NECAB1: variants seen among roughly 807,000 people sequenced by gnomAD.
NECAB1 encodes the protein N-terminal EF-hand calcium-binding protein 1.
In NECAB1, 29 loss-of-function variants were observed where a neutral mutation model predicts 57.5. The observed-to-expected ratio is 0.50, with a 90% CI of 0.38 to 0.69. The LOEUF is 0.69. Ranked by LOEUF, NECAB1 falls within the 30% of genes least tolerant of loss-of-function variation. NECAB1 has a pLI of 0.00. For synonymous variants in NECAB1, 142 were observed against 147.7 expected (o/e 0.96, Z 0.28); for missense variants, 372 against 413.8 (o/e 0.90, Z 0.88).
intron 5 of NECAB1, among the ~76,000 whole-genome samples, chr8:90,899,531 G>T (rs1402265239): frequency 1.3e-5 from 2 of 152,156 alleles, no homozygotes; most frequent in Non-Finnish European, 2.9e-5. Context: ...AAAGTAAAGA[G>T]ATGGGACCCA....
chr8:90,846,337 G>A (rs566568138), intron 3 of NECAB1, among the ~76,000 whole-genome samples: 1 of 152,320 alleles, frequency 6.6e-6, no homozygotes, highest in African/African-American at 2.4e-5. Context: ...ATTTCACTGT[G>A]AATGTGCTTA....
intron 1 of NECAB1, among the ~76,000 whole-genome samples, 159 bp downstream of exon 1, chr8:90,792,144 C>G (rs1192952257): frequency 6.6e-6 from 1 of 152,370 alleles, no homozygotes; most frequent in Non-Finnish European, 1.5e-5. Flanking sequence ...TGTCCCTTAA[C>G]TTGCAGCTAG....
intron 3 of NECAB1, among the ~76,000 whole-genome samples, chr8:90,852,129 A>G (rs1329608960): frequency 3.9e-5 from 6 of 152,216 alleles, no homozygotes; most frequent in Admixed American, 1.3e-4. Context: ...GATATGCTGC[A>G]TGCTCACTCA....
chr8:90,895,589 C>G (rs1214863824), intron 5 of NECAB1, among the ~76,000 whole-genome samples: 1 of 152,178 alleles, frequency 6.6e-6, no homozygotes, highest in Non-Finnish European at 1.5e-5. Flanking sequence ...ATAATAACAG[C>G]ATTTTCTACT....
At chr8:90,812,050 A>G (rs1586035744) in intron 2 of NECAB1, among the ~76,000 whole-genome samples, 2 of 152,292 alleles carry the variant, frequency 1.3e-5, no homozygotes, top group Non-Finnish European at 2.9e-5. Context: ...AAAAGAAGAG[A>G]GAATAGATGT....
rs1290352726 is a variant in NECAB1 at position 90,906,874 on chromosome 8, C to CATATATATATATATGTAT, written c.358-10617_358-10616insTATATATATATATGTATA. Among the ~76,000 whole-genome samples, 335 of 42,604 alleles carry CATATATATATATATGTAT rather than the reference C, an allele frequency of 7.9e-3. 8 individuals are homozygous for CATATATATATATATGTAT. The highest frequency in any genetic ancestry group is 0.066 in the African/African-American group (309 of 4,660). The allele number at this position is 42,604 out of a possible 152,430, so 27.9% of individuals were successfully genotyped here. A position where few individuals can be genotyped will look rare whatever the true frequency, so the allele number is the denominator to read the frequency against. ...CCACCTTTTCCTTACATATGATATACACATATATATATATATATATATATA... is the reference window on the plus strand; with the variant it reads ...CCACCTTTTCCTTACATATGATATACATATATATATATATGTATACATATATATATATATATATATATA... On this transcript the variant is annotated intron_variant, in intron 5 of 12. Coordinates refer to ENST00000417640, the MANE Select transcript of NECAB1 (RefSeq NM_022351.5).
intron 5 of NECAB1, among the ~76,000 whole-genome samples, chr8:90,912,935 G>A (rs1202318200): frequency 6.6e-6 from 1 of 152,120 alleles, no homozygotes; most frequent in Non-Finnish European, 1.5e-5. Flanking sequence ...AGAATGGCGA[G>A]AGCTGCAGGG....
At chr8:90,948,778 T>C (rs1397686773) in intron 10 of NECAB1, among the ~76,000 whole-genome samples, 2 of 152,204 alleles carry the variant, frequency 1.3e-5, no homozygotes, top group African/African-American at 4.8e-5. Flanking sequence ...TATTTCACTA[T>C]CTTTCCAGCT....
chr8:90,920,150 G>A (rs567331407), intron 6 of NECAB1, among the ~76,000 whole-genome samples: 72 of 152,266 alleles, frequency 4.7e-4, no homozygotes, highest in African/African-American at 1.7e-3. Context: ...AATGTTACAT[G>A]TCTGACTGCA....
chr8:90,845,678 A>C (rs1378283765), intron 3 of NECAB1, among the ~76,000 whole-genome samples: 4 of 152,246 alleles, frequency 2.6e-5, no homozygotes, highest in Admixed American at 6.5e-5. Flanking sequence ...CTTTCAAGTA[A>C]TATTTGTCAC....
At position 90,925,531 on chromosome 8, in the gene NECAB1, C is replaced by A; in HGVS notation, c.495-4C>A. 6.2e-7 allele frequency: 1 copy of A among 1,611,742 alleles called. No individual in the cohort carries two copies. Among genetic ancestry groups the A allele is most frequent in the Non-Finnish European group, 8.5e-7 (1 of 1,178,964 alleles). ...AAGGTTAAATGTTATCTCTGTTGAT[C>A]AAGGCAAGGGCCAGCCAAGCCAGAA... On this transcript the variant is annotated splice_polypyrimidine_tract_variant and splice_region_variant and intron_variant, in intron 6 of 12. Transcript: ENST00000417640.
intron 7 of NECAB1, among the ~76,000 whole-genome samples, chr8:90,927,740 G>C (rs1051253274): frequency 1.3e-5 from 2 of 149,712 alleles, no homozygotes; most frequent in African/African-American, 2.5e-5. Flanking sequence ...CATGATTATA[G>C]AGTCCATGTA....
chr8:90,853,978 G>A (rs1488058094), intron 3 of NECAB1, among the ~76,000 whole-genome samples: 1 of 152,156 alleles, frequency 6.6e-6, no homozygotes, highest in Non-Finnish European at 1.5e-5. Context: ...CAGATCGTTG[G>A]TTAGGCAATC....
At chr8:90,917,379 C>T (rs1052487569) in intron 5 of NECAB1, 113 bp from the exon 6 acceptor site, 9 of 861,414 alleles carry the variant, frequency 1.0e-5, no homozygotes, top group African/African-American at 1.0e-4. Context: ...TCTCTCCACC[C>T]TCTCTCTCTA....
At chr8:90,845,427 A>T (rs1812536961) in intron 3 of NECAB1, among the ~76,000 whole-genome samples, 1 of 152,078 alleles carries the variant, frequency 6.6e-6, no homozygotes, top group East Asian at 1.9e-4. Context: ...TACTTATATT[A>T]TGTATTTATT....
intron 5 of NECAB1, among the ~76,000 whole-genome samples, chr8:90,895,861 CCTTT>C (rs1239755455): frequency 6.6e-6 from 1 of 152,188 alleles, no homozygotes; most frequent in Non-Finnish European, 1.5e-5. Flanking sequence ...TGTTTTCCTT[CCTTT>C]AATTGTAACT....
intron 3 of NECAB1, among the ~76,000 whole-genome samples, chr8:90,861,678 A>T (rs928265049): frequency 6.6e-6 from 1 of 152,200 alleles, no homozygotes; most frequent in Non-Finnish European, 1.5e-5. Flanking sequence ...GGCTAAAGAC[A>T]TTGAATATAT....
chr8:90,906,891 A>ATATATATATATATATGTATG (rs71266150), intron 5 of NECAB1, among the ~76,000 whole-genome samples: 10 of 113,394 alleles, frequency 8.8e-5, no homozygotes, highest in East Asian at 4.5e-4. Context: ...ATATATATAT[A>ATATATATATATATATGTATG]TATATATATA....
chr8:90,875,022 C>T (rs1808690119), intron 4 of NECAB1, among the ~76,000 whole-genome samples: 2 of 151,900 alleles, frequency 1.3e-5, no homozygotes, highest in African/African-American at 4.8e-5. Context: ...TGTTTGAACT[C>T]TGGCATTAAA....
Sources: allele counts gnomAD v4.1 joint callset (sites outside exome capture counted in the v4.1 genomes callset), GRCh38; gene constraint gnomAD v4.1.1; transcripts MANE v1.5; gene names NCBI Gene and HGNC (gene_info 2026-07-23, HGNC 2026-07-21).